Variants in SUCLG2 observed in about 807,000 individuals in gnomAD.
The protein encoded by SUCLG2 is succinate--CoA ligase [GDP-forming] subunit beta, mitochondrial.
A neutral mutation model predicts 47.9 loss-of-function variants in SUCLG2; 42 were observed. That is an observed-to-expected ratio of 0.88 (90% CI 0.69 to 1.14). The LOEUF (loss-of-function observed/expected upper bound fraction) is 1.14. SUCLG2 is among the 50% of genes most tolerant of loss of function. SUCLG2 has a pLI of 0.00. For synonymous variants in SUCLG2, 195 were observed against 197.3 expected, an observed-to-expected ratio of 0.99 and a Z score of 0.10; for missense variants, 571 against 525.9, an observed-to-expected ratio of 1.09 and a Z score of -0.84.
intron 10 of SUCLG2, among the ~76,000 whole-genome samples, chr3:67,364,435 C>T (rs1219589489): frequency 1.4e-5 from 2 of 143,170 alleles, no homozygotes; most frequent in Non-Finnish European, 3.1e-5. Context: ...CCACCCCCCC[C>T]ACCCCCAAGT....
At chr3:67,384,675 A>G (rs1702224716) in intron 10 of SUCLG2, among the ~76,000 whole-genome samples, 1 of 152,202 alleles carries the variant, frequency 6.6e-6, no homozygotes, top group Non-Finnish European at 1.5e-5. Context: ...GTAAGCAGCT[A>G]TATATCTAGG....
chr3:67,423,725 A>G lies in SUCLG2; in HGVS notation c.1063-22874T>C, dbSNP rs573027569. Among the ~76,000 whole-genome samples the G allele has an allele frequency of 5.9e-5, 9 of 152,338 alleles. No homozygotes were observed. The East Asian group carries it at 1.7e-3, about 29-fold the overall frequency. The stretch of plus-strand genomic sequence containing the variant: ...TTCTTATTTCCGCTATTTTAAAATA[A>G]AAAGCTTTTAGACATTTTAACATTT... On this transcript the variant is annotated intron_variant, in intron 9 of 10. Transcript: ENST00000307227.
At chr3:67,595,917 A>G (rs1708282497) in intron 2 of SUCLG2, among the ~76,000 whole-genome samples, 1 of 152,364 alleles carries the variant, frequency 6.6e-6, no homozygotes, top group Middle Eastern at 3.4e-3. Context: ...TTGAAAAGGA[A>G]AAGAATTGCA....
At chr3:67,591,393 C>A (rs991977261) in intron 2 of SUCLG2, among the ~76,000 whole-genome samples, 1 of 152,156 alleles carries the variant, frequency 6.6e-6, no homozygotes, top group East Asian at 1.9e-4. Context: ...CTTTTCACAA[C>A]TGATATGGTT....
chr3:67,536,440 A>G (rs1258846852), intron 2 of SUCLG2, among the ~76,000 whole-genome samples: 1 of 152,208 alleles, frequency 6.6e-6, no homozygotes, highest in African/African-American at 2.4e-5. Context: ...AGGCAATCAC[A>G]ACTACTGTCC....
chr3:67,500,805 T>A (rs1027821166), intron 7 of SUCLG2, among the ~76,000 whole-genome samples: 3 of 151,924 alleles, frequency 2.0e-5, no homozygotes, highest in Non-Finnish European at 2.9e-5. Flanking sequence ...AAGGGAAGAG[T>A]TTCAAATAAA....
At chr3:67,598,347 T>C (rs564286555) in intron 2 of SUCLG2, among the ~76,000 whole-genome samples, 161 of 152,320 alleles carry the variant, frequency 1.1e-3, no homozygotes, top group African/African-American at 3.7e-3. Flanking sequence ...CAAAGAGTCA[T>C]CCTTAATCTT....
intron 10 of SUCLG2, among the ~76,000 whole-genome samples, chr3:67,381,529 C>T (rs1344964418): frequency 1.3e-5 from 2 of 152,138 alleles, no homozygotes; most frequent in Admixed American, 1.3e-4. Flanking sequence ...ATCTCCTTCC[C>T]ACATTTAAAT....
intron 1 of SUCLG2, among the ~76,000 whole-genome samples, chr3:67,632,674 G>A (rs949098235): frequency 6.6e-6 from 1 of 152,152 alleles, no homozygotes; most frequent in Non-Finnish European, 1.5e-5. Flanking sequence ...ATGGGGCACT[G>A]TTTCAGCGTA....
chr3:67,498,144 A>C lies in SUCLG2; in HGVS notation c.909T>G (p.Ile303Met). ...ATAACTGCTTCTTACCAAAGCAGGC[A>C]ATGTTCCCATCTAGTCCTATGTATT... ...DLKYIGLDGN[I>M]ACFVNGAGLA... is the part of the protein sequence containing the mutation. Residue 303 changes from isoleucine to methionine, a missense_variant, in exon 8 of 11, where the codon ATT becomes ATG. Physicochemically the swap from Ile to Met is conservative, Grantham distance 10 (BLOSUM62 1). Coordinates refer to ENST00000307227, the MANE Select transcript of SUCLG2 (RefSeq NM_003848.4). The C allele has an allele frequency of 1.2e-6, 2 of 1,608,920 alleles. No homozygotes were observed. The highest frequency in any genetic ancestry group is 1.7e-6 in the Non-Finnish European group (2 of 1,177,326).
intron 1 of SUCLG2, among the ~76,000 whole-genome samples, chr3:67,651,232 T>C (rs542358519): frequency 1.3e-5 from 2 of 152,336 alleles, no homozygotes; most frequent in East Asian, 1.9e-4. Context: ...TCAGCCTCTG[T>C]ATGGTTTAAA....
At chr3:67,572,082 T>C (rs1707627924) in intron 2 of SUCLG2, among the ~76,000 whole-genome samples, 1 of 152,240 alleles carries the variant, frequency 6.6e-6, no homozygotes, top group Non-Finnish European at 1.5e-5. Flanking sequence ...GCTCCTTCCT[T>C]TATGATCATC....
intron 1 of SUCLG2, among the ~76,000 whole-genome samples, chr3:67,645,341 G>C (rs1443809733): frequency 6.6e-6 from 1 of 151,946 alleles, no homozygotes; most frequent in Non-Finnish European, 1.5e-5. Context: ...TGTGAGTTTT[G>C]GACGTGGGAC....
At chr3:67,565,932 T>C (rs1463080103) in intron 2 of SUCLG2, among the ~76,000 whole-genome samples, 1 of 152,244 alleles carries the variant, frequency 6.6e-6, no homozygotes, top group African/African-American at 2.4e-5. Flanking sequence ...GTCTTGTTCA[T>C]CTTAGCTGTC....
intron 9 of SUCLG2, among the ~76,000 whole-genome samples, chr3:67,482,267 C>G (rs185204670): frequency 6.6e-6 from 1 of 152,236 alleles, no homozygotes; most frequent in East Asian, 1.9e-4. Context: ...TGCAGAAATA[C>G]CAAGCTGTAA....
intron 9 of SUCLG2, among the ~76,000 whole-genome samples, chr3:67,490,126 G>A (rs1399734471): frequency 1.3e-5 from 2 of 152,130 alleles, no homozygotes; most frequent in Non-Finnish European, 2.9e-5. Flanking sequence ...GTGAATCACT[G>A]GTTATTCAAA....
chr3:67,521,617 A>T (rs60269055), intron 4 of SUCLG2, among the ~76,000 whole-genome samples: 3,093 of 147,136 alleles, frequency 0.021, 124 homozygotes, highest in African/African-American at 0.073. Context: ...TTTTTTTTTA[A>T]AAAAAGACAG....
chr3:67,463,341 G>C (rs1704385035), intron 9 of SUCLG2, among the ~76,000 whole-genome samples: 1 of 152,114 alleles, frequency 6.6e-6, no homozygotes. Flanking sequence ...CTTAAAGCAG[G>C]GTGGGGCACT....
intron 2 of SUCLG2, among the ~76,000 whole-genome samples, chr3:67,593,353 T>A (rs772617362): frequency 2.6e-4 from 37 of 144,176 alleles, no homozygotes; most frequent in Non-Finnish European, 4.9e-4. Flanking sequence ...AAAGTTGTTA[T>A]CCTACCCTAT....
Sources: gnomAD v4.1 joint callset for allele counts (sites outside exome capture counted in the v4.1 genomes callset) on GRCh38, gnomAD v4.1.1 for gene constraint, MANE v1.5 for transcripts, NCBI Gene and HGNC (gene_info 2026-07-23, HGNC 2026-07-21) for gene names.